Variants in OR6N1 observed in about 807,000 individuals in gnomAD.
The protein encoded by OR6N1 is olfactory receptor 6N1.
For synonymous variants in OR6N1, 170 were observed against 150.7 expected (o/e 1.13, Z -0.94); for missense variants, 394 against 371.7 (o/e 1.06, Z -0.49).
chr1:158,786,799 G>C, the OR6N1 span, among the ~76,000 whole-genome samples: 1 of 152,256 alleles, frequency 6.6e-6, no homozygotes, highest in African/African-American at 2.4e-5. Flanking sequence ...CTATGTGGAT[G>C]CAAAGGCATA....
the OR6N1 span, among the ~76,000 whole-genome samples, chr1:158,819,540 T>C: frequency 6.6e-6 from 1 of 152,152 alleles, no homozygotes; most frequent in Admixed American, 6.5e-5. Flanking sequence ...GAGAAGCAGG[T>C]CAAGTTAGTT....
chr1:158,797,248 G>A, the OR6N1 span, among the ~76,000 whole-genome samples: 1 of 152,156 alleles, frequency 6.6e-6, no homozygotes, highest in Non-Finnish European at 1.5e-5. Context: ...GCAGGAACAG[G>A]TCTCCTGCCA....
In OR6N1 at chr1:158,764,752, T is replaced by C. The variant is rs1383351949; in HGVS notation, c.*992A>G. 2 of 152,132 alleles carry C rather than the reference T, an allele frequency of 1.3e-5. No homozygotes were observed. Among genetic ancestry groups the C allele is most frequent in the Non-Finnish European group, 2.9e-5 (2 of 67,988 alleles). The allele number at this position is 152,132 out of a possible 1,614,324, so 9.4% of individuals were successfully genotyped here. ...GTTTCAGGAAATAATTAGCTTACAA[T>C]TCAATAAAGAAATGGTTCGATGTAA... On this transcript the variant is annotated 3_prime_UTR_variant, in exon 2 of 2. Coordinates refer to ENST00000641846, the MANE Select transcript of OR6N1 (RefSeq NM_001005185.2).
At chr1:158,833,899 T>G in the OR6N1 span, among the ~76,000 whole-genome samples, 2 of 152,236 alleles carry the variant, frequency 1.3e-5, no homozygotes, top group Non-Finnish European at 2.9e-5. Flanking sequence ...ATGGTAATGT[T>G]ATTTTTAATT....
chr1:158,789,087 A>T, the OR6N1 span, among the ~76,000 whole-genome samples: 2 of 152,168 alleles, frequency 1.3e-5, no homozygotes, highest in Non-Finnish European at 2.9e-5. Context: ...CATGTGAGTG[A>T]TAATGTGATA....
intron 1 of OR6N1, among the ~76,000 whole-genome samples, chr1:158,770,363 C>T (rs1657394399): frequency 6.6e-6 from 1 of 152,174 alleles, no homozygotes; most frequent in South Asian, 2.1e-4. Flanking sequence ...AACTAGCACC[C>T]CCAACTCCCT....
the OR6N1 span, among the ~76,000 whole-genome samples, chr1:158,825,128 C>T: frequency 2.6e-5 from 4 of 152,022 alleles, no homozygotes; most frequent in Non-Finnish European, 5.9e-5. Context: ...TAAGCAAAAA[C>T]CAAACAACTC....
chr1:158,814,050 A>T, the OR6N1 span, among the ~76,000 whole-genome samples: 2 of 152,120 alleles, frequency 1.3e-5, no homozygotes, highest in Admixed American at 1.3e-4. Flanking sequence ...ATGCATGTCA[A>T]TACAGTGTTA....
At chr1:158,769,176 T>C (rs1240231248) in intron 1 of OR6N1, among the ~76,000 whole-genome samples, 1 of 152,144 alleles carries the variant, frequency 6.6e-6, no homozygotes, top group Non-Finnish European at 1.5e-5. Flanking sequence ...ATTATTATTA[T>C]TATTGGAGAC....
Position 158,764,251 on chromosome 1 carries a change from T to G in OR6N1, c.*1493A>C, listed in dbSNP as rs576773188. On this transcript the variant is annotated 3_prime_UTR_variant, in exon 2 of 2. Transcript: ENST00000641846. ...TTTTGAATTCCTGGTGATTATTTAATGTAAAAACATTTATCTGCTTAAAAT... is the reference window on the plus strand; with the variant it reads ...TTTTGAATTCCTGGTGATTATTTAAGGTAAAAACATTTATCTGCTTAAAAT... 6.6e-6 allele frequency: 1 copy of G among 151,450 alleles called. No individual in the cohort carries two copies. Among genetic ancestry groups the G allele is most frequent in the African/African-American group, 2.4e-5 (1 of 41,388 alleles). 9.4% of individuals were successfully genotyped at this position (151,450 alleles called of 1,614,324 possible).
chr1:158,832,086 A>G, the OR6N1 span, among the ~76,000 whole-genome samples: 2 of 152,160 alleles, frequency 1.3e-5, no homozygotes, highest in Non-Finnish European at 2.9e-5. Flanking sequence ...TTTATGCTTC[A>G]TTTTACAACA....
the OR6N1 span, among the ~76,000 whole-genome samples, chr1:158,830,357 A>C: frequency 2.6e-5 from 4 of 152,144 alleles, no homozygotes; most frequent in South Asian, 4.1e-4. Flanking sequence ...ACAGTTTCCA[A>C]ATCCAAACTT....
chr1:158,829,289 A>G, the OR6N1 span, among the ~76,000 whole-genome samples: 4 of 152,196 alleles, frequency 2.6e-5, no homozygotes, highest in African/African-American at 7.2e-5. Context: ...CCAAATTTTT[A>G]TGCTCTGTTT....
At chr1:158,797,679 A>G in the OR6N1 span, among the ~76,000 whole-genome samples, 1 of 152,184 alleles carries the variant, frequency 6.6e-6, no homozygotes, top group African/African-American at 2.4e-5. Context: ...TATTGAATTT[A>G]GCTTAGGAAT....
chr1:158,803,272 G>A, the OR6N1 span, among the ~76,000 whole-genome samples: 3 of 152,148 alleles, frequency 2.0e-5, no homozygotes, highest in African/African-American at 4.8e-5. Context: ...GGGATTGAAA[G>A]AGTCTCTCAA....
the OR6N1 span, chr1:158,777,376 C>A: frequency 6.2e-7 from 1 of 1,614,176 alleles, no homozygotes; most frequent in Non-Finnish European, 8.5e-7. Context: ...TTTCTTCTCA[C>A]TGAGAATATT....
the OR6N1 span, among the ~76,000 whole-genome samples, chr1:158,816,530 A>G: frequency 6.6e-6 from 1 of 152,114 alleles, no homozygotes; most frequent in African/African-American, 2.4e-5. Flanking sequence ...TCCTTATGAA[A>G]AATTTAAAAA....
the OR6N1 span, among the ~76,000 whole-genome samples, chr1:158,816,026 C>T: frequency 6.6e-6 from 1 of 151,770 alleles, no homozygotes; most frequent in African/African-American, 2.4e-5. Flanking sequence ...GGTATGGTGG[C>T]GGGCACCTAA....
chr1:158,778,967 CGA>C, the OR6N1 span, among the ~76,000 whole-genome samples: 1 of 141,860 alleles, frequency 7.0e-6, no homozygotes, highest in Non-Finnish European at 1.5e-5. Flanking sequence ...TGCAGTGAGC[CGA>C]GATCGCGCCA....
Sources: gnomAD v4.1 joint callset for allele counts (sites outside exome capture counted in the v4.1 genomes callset) on GRCh38, gnomAD v4.1.1 for gene constraint, MANE v1.5 for transcripts, NCBI Gene and HGNC (gene_info 2026-07-23, HGNC 2026-07-21) for gene names.